ZFR2: variants seen among roughly 807,000 people sequenced by gnomAD.
ZFR2 encodes zinc finger RNA-binding protein 2.
ZFR2 carries 104 observed loss-of-function variants against 105.7 expected under a neutral mutation model. That is an observed-to-expected ratio of 0.98 (90% CI 0.84 to 1.16). The LOEUF (loss-of-function observed/expected upper bound fraction) is 1.16. Among genes scored for constraint, ZFR2 ranks in the 50% most tolerant of loss-of-function variants. The pLI is 0.00. For missense variants in ZFR2, 1,425 were observed against 1,355.5 expected, an observed-to-expected ratio of 1.05 and a Z score of -0.80; for synonymous variants, 634 against 597.7, an observed-to-expected ratio of 1.06 and a Z score of -0.89.
chr19:3,829,926 C>T (rs2037992808), intron 5 of ZFR2, among the ~76,000 whole-genome samples: 1 of 152,188 alleles, frequency 6.6e-6, no homozygotes, highest in South Asian at 2.1e-4. Flanking sequence ...CTGAGTTCCT[C>T]AAAGTACTGA....
intron 1 of ZFR2, among the ~76,000 whole-genome samples, chr19:3,850,294 G>A (rs1339410518): frequency 6.6e-6 from 1 of 152,058 alleles, no homozygotes; most frequent in African/African-American, 2.4e-5. Flanking sequence ...AGTGCTGGTG[G>A]GGCGACTGTC....
intron 5 of ZFR2, 27 bp downstream of exon 5, chr19:3,831,276 C>A: frequency 6.7e-7 from 1 of 1,485,526 alleles, no homozygotes; most frequent in Non-Finnish European, 8.9e-7. Flanking sequence ...GTCCCTGGGG[C>A]CTGCCCATGG....
intron 1 of ZFR2, among the ~76,000 whole-genome samples, chr19:3,844,933 T>C (rs74991289): frequency 0.01 from 1,576 of 152,220 alleles, 34 homozygotes; most frequent in African/African-American, 0.036. Flanking sequence ...AGAACCCTGA[T>C]TGGGAAAGGG....
Position 3,813,696 on chromosome 19 carries a change from G to T in ZFR2, c.2242+124C>A. ...AATCCTCAGGGGGACAGCAGTGCTG[G>T]AGCGTGGCTGCTGTGGCATTTCCTG... On this transcript the variant is annotated intron_variant, in intron 14 of 18. Transcript: ENST00000262961. The surrounding 1 kb of genome is among the most constrained non-coding windows in gnomAD (Gnocchi z 4.4). 1 of 1,365,456 alleles carries T rather than the reference G, an allele frequency of 7.3e-7. No individual in the cohort carries two copies. Among genetic ancestry groups the T allele is most frequent in the South Asian group, 1.3e-5 (1 of 75,576 alleles). The allele number at this position is 1,365,456 out of a possible 1,614,324, so 84.6% of individuals were successfully genotyped here.
chr19:3,811,707 A>G (rs2037767011), intron 14 of ZFR2, among the ~76,000 whole-genome samples: 1 of 151,800 alleles, frequency 6.6e-6, no homozygotes, highest in African/African-American at 2.4e-5. Flanking sequence ...CTCCCACCTC[A>G]GCCTCCCAAA....
intron 1 of ZFR2, among the ~76,000 whole-genome samples, chr19:3,866,236 G>C (rs2038425854): frequency 2.0e-5 from 3 of 152,158 alleles, no homozygotes; most frequent in Admixed American, 2.0e-4. Flanking sequence ...TTCAAATAAT[G>C]CCTATCATCT....
intron 1 of ZFR2, among the ~76,000 whole-genome samples, chr19:3,864,095 T>C (rs554824696): frequency 1.3e-5 from 2 of 152,206 alleles, no homozygotes; most frequent in African/African-American, 2.4e-5. Context: ...ATGCTAATAG[T>C]GTCAGAATCT....
rs1241426667 is a variant in ZFR2 at position 3,819,239 on chromosome 19, TG to T, written c.1741-5del. The stretch of plus-strand genomic sequence containing the variant: ...TGGACGCCGGCCGCCGCCCGGGCTG[TG>T]GGGAGAGGCCGCACGTGTCAAGGGT... On this transcript the variant is annotated splice_polypyrimidine_tract_variant and splice_region_variant and intron_variant, in intron 11 of 18. Coordinates refer to ENST00000262961, the MANE Select transcript of ZFR2 (RefSeq NM_015174.2). 1 of 1,530,892 alleles carries T rather than the reference TG, an allele frequency of 6.5e-7. No individual in the cohort carries two copies. Among genetic ancestry groups the T allele is most frequent in the South Asian group, 1.2e-5 (1 of 80,892 alleles). The allele number at this position is 1,530,892 out of a possible 1,614,324, so 94.8% of individuals were successfully genotyped here. A position where few individuals can be genotyped will look rare whatever the true frequency, so the allele number is the denominator to read the frequency against.
intron 15 of ZFR2, 115 bp downstream of exon 15, chr19:3,811,157 G>A (rs1402170043): frequency 6.7e-6 from 7 of 1,042,878 alleles, no homozygotes; most frequent in African/African-American, 3.3e-5. Flanking sequence ...CAGGCGTCCC[G>A]GTCTGCGCTG....
chr19:3,808,387 T>C (rs2037726301), intron 17 of ZFR2, among the ~76,000 whole-genome samples: 1 of 152,248 alleles, frequency 6.6e-6, no homozygotes, highest in South Asian at 2.1e-4. Context: ...CCCTTTTCCG[T>C]ATCTGGCCGC....
rs796902223 is a variant in ZFR2 at position 3,855,418 on chromosome 19, G to A, written c.53+13547C>T. The A allele has an allele frequency of 6.5e-6, 8 of 1,231,708 alleles. No homozygotes were observed. The African/African-American group carries it at 1.1e-4, about 17-fold the overall frequency. 76.3% of individuals were successfully genotyped at this position (1,231,708 alleles called of 1,614,324 possible). A position where few individuals can be genotyped will look rare whatever the true frequency, so the allele number is the denominator to read the frequency against. On this transcript the variant is annotated intron_variant, in intron 1 of 18. Coordinates refer to ENST00000262961, the MANE Select transcript of ZFR2 (RefSeq NM_015174.2). ...ACAAAATACCTGACAGAAAGTGAAAGCAGTCCCGGGCGATCCGGCGGCAGA... is the reference window on the plus strand; with the variant it reads ...ACAAAATACCTGACAGAAAGTGAAAACAGTCCCGGGCGATCCGGCGGCAGA...
chr19:3,829,879 C>G (rs1376152084), intron 5 of ZFR2, among the ~76,000 whole-genome samples: 1 of 152,182 alleles, frequency 6.6e-6, no homozygotes, highest in African/African-American at 2.4e-5. Flanking sequence ...TTCAACACAT[C>G]TTGGTTTGAT....
intron 14 of ZFR2, among the ~76,000 whole-genome samples, chr19:3,812,011 T>A (rs1463568802): frequency 1.3e-5 from 2 of 152,064 alleles, no homozygotes; most frequent in Non-Finnish European, 2.9e-5. Context: ...TGGCGCAATC[T>A]TGGCTCACTG....
chr19:3,821,699 C>A (rs1006794934), intron 9 of ZFR2, among the ~76,000 whole-genome samples: 4 of 150,720 alleles, frequency 2.7e-5, no homozygotes, highest in Non-Finnish European at 4.4e-5. Flanking sequence ...CTGCAACCTC[C>A]GCCTCCCGGG....
Position 3,847,448 on chromosome 19 carries a change from C to T in ZFR2, c.54-12465G>A, listed in dbSNP as rs563691826. Among the ~76,000 whole-genome samples, 14 of 152,086 alleles carry T rather than the reference C, an allele frequency of 9.2e-5. No individual in the cohort carries two copies. The East Asian group carries it at 2.3e-3, about 25-fold the overall frequency. ...CTGAAGCAGTAGAATCACTTGAACC[C>T]GGGAGGCAGAGGTTGCAGTGAGCTG... On this transcript the variant is annotated intron_variant, in intron 1 of 18. Coordinates refer to ENST00000262961, the MANE Select transcript of ZFR2 (RefSeq NM_015174.2).
Position 3,825,167 on chromosome 19 carries a change from G to A in ZFR2, c.1213+63C>T, listed in dbSNP as rs564794825. On this transcript the variant is annotated intron_variant, in intron 7 of 18. Transcript: ENST00000262961. ...TCGACTGGATGGTAGATTTTCTCAC[G>A]AAACTTTCACTAGGCGGCCAGGGCT... The A allele has an allele frequency of 9.1e-5, 127 of 1,396,114 alleles. No individual in the cohort carries two copies. The Admixed American group carries it at 1.5e-3, about 16-fold the overall frequency. The allele number at this position is 1,396,114 out of a possible 1,614,324, so 86.5% of individuals were successfully genotyped here. A position where few individuals can be genotyped will look rare whatever the true frequency, so the allele number is the denominator to read the frequency against.
At chr19:3,831,209 C>A in intron 5 of ZFR2, 94 bp downstream of exon 5, 1 of 1,421,808 alleles carries the variant, frequency 7.0e-7, no homozygotes. Context: ...CAGCAGGCAG[C>A]GACCCTGACC....
intron 1 of ZFR2, among the ~76,000 whole-genome samples, chr19:3,865,004 C>A (rs1373315533): frequency 6.6e-6 from 1 of 152,128 alleles, no homozygotes; most frequent in Non-Finnish European, 1.5e-5. Context: ...CCGCCTCGGC[C>A]TCCCAAAGTG....
intron 1 of ZFR2, among the ~76,000 whole-genome samples, chr19:3,850,737 A>G (rs928532258): frequency 1.3e-5 from 2 of 151,114 alleles, no homozygotes; most frequent in Non-Finnish European, 2.9e-5. Flanking sequence ...AACAACAACA[A>G]CAACAACAAC....
Sources: gnomAD v4.1 joint callset for allele counts (sites outside exome capture counted in the v4.1 genomes callset) on GRCh38, gnomAD v4.1.1 for gene constraint, Gnocchi (gnomAD v3.1) non-coding constraint, MANE v1.5 for transcripts, NCBI Gene and HGNC (gene_info 2026-07-23, HGNC 2026-07-21) for gene names.